Variants in DTNB observed in about 807,000 individuals in gnomAD.
DTNB encodes dystrobrevin beta.
A neutral mutation model predicts 90.7 loss-of-function variants in DTNB; 63 were observed. That is an observed-to-expected ratio of 0.69 (90% CI 0.57 to 0.86). The LOEUF (loss-of-function observed/expected upper bound fraction) is 0.86, where lower values mean the gene tolerates loss of function less well. Ranked by LOEUF, DTNB falls within the 40% of genes least tolerant of loss-of-function variation. DTNB has a pLI of 0.00. For synonymous variants in DTNB, 277 were observed against 286.7 expected (o/e 0.97, Z 0.34); for missense variants, 744 against 807.1 (o/e 0.92, Z 0.95).
chr2:25,578,901 ATTTG>A lies in DTNB; in HGVS notation c.709+1816_709+1819del, dbSNP rs531797353. 4.1e-3 allele frequency among the ~76,000 whole-genome samples: 626 copies of A among 152,312 alleles called. 2 individuals are homozygous for A. The highest frequency in any genetic ancestry group is 6.3e-3 in the Admixed American group (97 of 15,298). On this transcript the variant is annotated intron_variant, in intron 7 of 20. Transcript: ENST00000406818. ...AAACCATAAATACCATAATTTTATA[ATTTG>A]TTTCTCACCATTAAAATTAAGACAT...
intron 9 of DTNB, among the ~76,000 whole-genome samples, chr2:25,484,019 T>C (rs563106443): frequency 1.3e-5 from 2 of 152,324 alleles, no homozygotes; most frequent in Non-Finnish European, 2.9e-5. Flanking sequence ...GCTACATACA[T>C]AGAGTGTACT....
At chr2:25,619,785 T>C (rs571610698) in intron 4 of DTNB, among the ~76,000 whole-genome samples, 2 of 152,300 alleles carry the variant, frequency 1.3e-5, no homozygotes, top group South Asian at 2.1e-4. Context: ...CTCAAGCCTG[T>C]AATCCTAGCA....
Position 25,631,281 on chromosome 2 carries a change from T to C in DTNB, c.149-2897A>G, listed in dbSNP as rs113055282. Among the ~76,000 whole-genome samples the C allele has an allele frequency of 9.2e-3, 1,394 of 152,136 alleles. 13 individuals are homozygous for C. Among genetic ancestry groups the C allele is most frequent in the Non-Finnish European group, 0.014 (926 of 67,976 alleles). ...GAGGGTCAGCGAATAATGATAAAAG[T>C]TTTAATTCATAAGAAAGATATCAGA... On this transcript the variant is annotated intron_variant, in intron 3 of 20. Transcript: ENST00000406818.
chr2:25,420,247 G>A (rs1027052842), intron 15 of DTNB, among the ~76,000 whole-genome samples: 1 of 136,646 alleles, frequency 7.3e-6, no homozygotes, highest in African/African-American at 2.7e-5. Flanking sequence ...CCGTCTACTT[G>A]CTTTCAGGCA....
intron 10 of DTNB, among the ~76,000 whole-genome samples, chr2:25,477,909 A>T (rs1313531643): frequency 1.3e-5 from 2 of 151,332 alleles, no homozygotes; most frequent in African/African-American, 4.9e-5. Context: ...CCTACGTTTT[A>T]GTTTTTCTCT....
intron 11 of DTNB, among the ~76,000 whole-genome samples, chr2:25,453,128 A>C (rs2150138173): frequency 6.6e-6 from 1 of 152,302 alleles, no homozygotes; most frequent in East Asian, 1.9e-4. Context: ...GTGGGGCCTA[A>C]AGTGGCTGAC....
intron 9 of DTNB, among the ~76,000 whole-genome samples, chr2:25,489,735 T>C (rs982969898): frequency 1.3e-5 from 2 of 152,044 alleles, no homozygotes; most frequent in South Asian, 2.1e-4. Context: ...GAGGATTTTC[T>C]TAGCTCAAAA....
intron 8 of DTNB, among the ~76,000 whole-genome samples, chr2:25,560,790 C>T (rs1178156309): frequency 6.6e-6 from 1 of 152,192 alleles, no homozygotes; most frequent in East Asian, 1.9e-4. Context: ...TTTCCTAGAG[C>T]TTGCAGAGAG....
intron 5 of DTNB, chr2:25,598,813 C>A (rs1201096148): frequency 6.6e-6 from 1 of 151,464 alleles, no homozygotes; most frequent in African/African-American, 2.4e-5. Context: ...CGGTGATAAG[C>A]AGGAAACAGG....
intron 6 of DTNB, among the ~76,000 whole-genome samples, chr2:25,591,258 G>A (rs2063520708): frequency 6.6e-6 from 1 of 152,200 alleles, no homozygotes; most frequent in Non-Finnish European, 1.5e-5. Context: ...GCCATGGCTT[G>A]ACCGGCTGCA....
At chr2:25,601,203 A>G (rs1024641954) in intron 5 of DTNB, among the ~76,000 whole-genome samples, 1 of 152,176 alleles carries the variant, frequency 6.6e-6, no homozygotes, top group Non-Finnish European at 1.5e-5. Flanking sequence ...ATTTAATGAA[A>G]ATATTTTAAA....
intron 10 of DTNB, among the ~76,000 whole-genome samples, chr2:25,481,298 G>A (rs1014305674): frequency 4.6e-5 from 7 of 151,818 alleles, no homozygotes; most frequent in South Asian, 4.2e-4. Context: ...CCAGCTAGTC[G>A]GGAGGCTGAG....
At chr2:25,491,728 A>G (rs1198649833) in intron 9 of DTNB, among the ~76,000 whole-genome samples, 2 of 151,756 alleles carry the variant, frequency 1.3e-5, no homozygotes, top group Non-Finnish European at 2.9e-5. Flanking sequence ...TTCTTCTACC[A>G]TCTATGACTT....
intron 4 of DTNB, among the ~76,000 whole-genome samples, chr2:25,624,102 T>C (rs1347845859): frequency 6.6e-6 from 1 of 152,130 alleles, no homozygotes; most frequent in Non-Finnish European, 1.5e-5. Context: ...AAAACCTAGC[T>C]CTCCACAACT....
At chr2:25,579,430 G>A (rs142717895) in intron 7 of DTNB, among the ~76,000 whole-genome samples, 62 of 152,238 alleles carry the variant, frequency 4.1e-4, no homozygotes, top group Non-Finnish European at 6.5e-4. Context: ...TTATTCTTCC[G>A]GGGGGATAAA....
At chr2:25,503,317 T>C (rs2071341270) in intron 9 of DTNB, among the ~76,000 whole-genome samples, 1 of 151,244 alleles carries the variant, frequency 6.6e-6, no homozygotes, top group African/African-American at 2.4e-5. Context: ...AGAGAGACTC[T>C]CTCCCTCCAA....
chr2:25,438,316 C>T (rs1048345564), intron 12 of DTNB, among the ~76,000 whole-genome samples: 23 of 152,182 alleles, frequency 1.5e-4, no homozygotes, highest in African/African-American at 5.3e-4. Flanking sequence ...TAAATAAATA[C>T]ACAAATCACA....
chr2:25,603,989 C>A (rs1365260043), intron 5 of DTNB, among the ~76,000 whole-genome samples: 1 of 152,162 alleles, frequency 6.6e-6, no homozygotes, highest in Admixed American at 6.5e-5. Flanking sequence ...TACACAAGCT[C>A]AAGTGCTTCT....
intron 12 of DTNB, among the ~76,000 whole-genome samples, chr2:25,439,668 G>A (rs1326505427): frequency 6.6e-6 from 1 of 152,202 alleles, no homozygotes; most frequent in African/African-American, 2.4e-5. Flanking sequence ...AAAGTAGGGA[G>A]ACGAATTAGT....
Sources: allele counts gnomAD v4.1 joint callset (sites outside exome capture counted in the v4.1 genomes callset), GRCh38; gene constraint gnomAD v4.1.1; transcripts MANE v1.5; gene names NCBI Gene and HGNC (gene_info 2026-07-23, HGNC 2026-07-21).